NCOR1: variants seen among roughly 807,000 people sequenced by gnomAD.
The protein encoded by NCOR1 is nuclear receptor corepressor 1.
Under a neutral mutation model 288.1 loss-of-function variants are expected in NCOR1, and 63 were observed. The ratio of observed to expected loss-of-function variants is 0.22; its 90% CI spans 0.18 to 0.27. The LOEUF is 0.27. Among genes scored for constraint, NCOR1 ranks in the 10% least tolerant of loss-of-function variants. The pLI is 1.00. For missense variants in NCOR1, 2,397 were observed against 3,019.2 expected (o/e 0.79, Z 4.83); for synonymous variants, 1,007 against 1,065.9 (o/e 0.94, Z 1.08).
At position 16,210,619 on chromosome 17, in the gene NCOR1, C is replaced by G. The variant is rs1158296857; in HGVS notation, c.-71+4743G>C. 2.0e-5 allele frequency among the ~76,000 whole-genome samples: 3 copies of G among 152,152 alleles called. No homozygotes were observed. The East Asian group carries it at 5.8e-4, about 29-fold the overall frequency. ...CTGTAACACTGACATAGATCAGTATCAATTTTTTCAAACTATATTTTCATT... is the reference window on the plus strand; with the variant it reads ...CTGTAACACTGACATAGATCAGTATGAATTTTTTCAAACTATATTTTCATT... On this transcript the variant is annotated intron_variant, in intron 1 of 45. Coordinates refer to ENST00000268712, the MANE Select transcript of NCOR1 (RefSeq NM_006311.4).
At chr17:16,041,255 T>TA (rs1171063933) in intron 42 of NCOR1, 2 of 152,256 alleles carry the variant, frequency 1.3e-5, no homozygotes, top group African/African-American at 4.8e-5. Flanking sequence ...CCGCCTATAA[T>TA]AAAGCAGTGT....
intron 32 of NCOR1, among the ~76,000 whole-genome samples, chr17:16,066,988 A>G (rs927963468): frequency 2.0e-5 from 3 of 152,216 alleles, no homozygotes; most frequent in African/African-American, 7.2e-5. Flanking sequence ...CAGAAAACAC[A>G]TGTGTGACTG....
At chr17:16,197,961 C>A (rs2090140328) in intron 1 of NCOR1, among the ~76,000 whole-genome samples, 1 of 152,114 alleles carries the variant, frequency 6.6e-6, no homozygotes, top group Non-Finnish European at 1.5e-5. Flanking sequence ...TCTAGAGTGT[C>A]CTTTAGAAAT....
At chr17:16,201,872 T>C (rs186079861) in intron 1 of NCOR1, among the ~76,000 whole-genome samples, 195 of 151,926 alleles carry the variant, frequency 1.3e-3, no homozygotes, top group African/African-American at 4.5e-3. Context: ...GGTGGATCAC[T>C]TGAGGTCAGG....
In NCOR1 at chr17:16,121,232, C is replaced by T. The variant is rs1313670628; in HGVS notation, c.1672G>A (p.Ala558Thr). The part of the protein sequence containing the change: ...TKEKDKIDGT[A>T]EETEEREQAT... ...TGCTCTCTTTCCTCAGTTTCTTCTG[C>T]TGTACCATCTATCTTGTCCTTTTCC... Residue 558 changes from alanine to threonine, a missense_variant, in exon 16 of 46, where the codon GCA becomes ACA. Coordinates refer to ENST00000268712, the MANE Select transcript of NCOR1 (RefSeq NM_006311.4). The T allele has an allele frequency of 2.8e-5, 45 of 1,613,882 alleles. No homozygotes were observed. The highest frequency in any genetic ancestry group is 5.3e-5 in the African/African-American group (4 of 74,934).
intron 4 of NCOR1, among the ~76,000 whole-genome samples, chr17:16,169,953 T>TA (rs1469801335): frequency 6.6e-6 from 1 of 152,222 alleles, no homozygotes; most frequent in East Asian, 1.9e-4. Flanking sequence ...GAAGCTTAGC[T>TA]AATTTCTAGC....
intron 37 of NCOR1, among the ~76,000 whole-genome samples, chr17:16,060,980 A>C (rs1031092990): frequency 6.6e-6 from 1 of 152,240 alleles, no homozygotes; most frequent in Non-Finnish European, 1.5e-5. Flanking sequence ...AATAATAGGT[A>C]GTCTCACTTT....
chr17:16,035,092 C>T (rs1973955430), intron 44 of NCOR1, 148 bp from the exon 45 acceptor site: 2 of 744,576 alleles, frequency 2.7e-6, no homozygotes, highest in South Asian at 2.0e-5. Flanking sequence ...TAAAATACTA[C>T]AGGCATACCT....
At chr17:16,143,189 G>A (rs1250711046) in intron 11 of NCOR1, among the ~76,000 whole-genome samples, 1 of 152,146 alleles carries the variant, frequency 6.6e-6, no homozygotes, top group Admixed American at 6.5e-5. Flanking sequence ...TGCTACTTTA[G>A]GAAACGGCAC....
chr17:16,091,708 T>C lies in NCOR1; in HGVS notation c.3016+155A>G, dbSNP rs540455903. 6.2e-6 allele frequency: 9 copies of C among 1,451,850 alleles called. No individual in the cohort carries two copies. In the African/African-American group the frequency reaches 8.5e-5, roughly 14 times the overall value. 89.9% of individuals were successfully genotyped at this position (1,451,850 alleles called of 1,614,324 possible). ...AGTTAATAATACTAACATTTCTTCA[T>C]AGTTTAAGGTCAATTTAAGGAACTG... On this transcript the variant is annotated intron_variant, in intron 22 of 45. Coordinates refer to ENST00000268712, the MANE Select transcript of NCOR1 (RefSeq NM_006311.4).
intron 1 of NCOR1, among the ~76,000 whole-genome samples, chr17:16,214,876 C>T: frequency 6.6e-6 from 1 of 152,246 alleles, no homozygotes; most frequent in South Asian, 2.1e-4. Flanking sequence ...CACCCTGAAG[C>T]GGTCTGTTAG....
intron 2 of NCOR1, among the ~76,000 whole-genome samples, chr17:16,189,223 G>A (rs563579637): frequency 2.9e-4 from 44 of 151,854 alleles, no homozygotes; most frequent in Admixed American, 1.8e-3. Flanking sequence ...GCGAAACCCC[G>A]TGTGTACTAA....
chr17:16,073,715 T>G, intron 27 of NCOR1, 146 bp from the exon 28 acceptor site: 1 of 666,338 alleles, frequency 1.5e-6, no homozygotes, highest in Non-Finnish European at 2.2e-6. Context: ...AGATGATTCA[T>G]GAAAATATTT....
chr17:16,036,091 G>A (rs1247951847), intron 44 of NCOR1, among the ~76,000 whole-genome samples: 1 of 152,196 alleles, frequency 6.6e-6, no homozygotes, highest in Admixed American at 6.5e-5. Flanking sequence ...CTTATGAAAT[G>A]TATTTCTTAA....
At chr17:16,138,465 G>A (rs1409856387) in intron 12 of NCOR1, among the ~76,000 whole-genome samples, 1 of 152,088 alleles carries the variant, frequency 6.6e-6, no homozygotes, top group Non-Finnish European at 1.5e-5. Flanking sequence ...CATGCCTGCA[G>A]TCCCACCTAC....
intron 25 of NCOR1, 50 bp downstream of exon 25, chr17:16,080,358 A>G: frequency 7.0e-7 from 1 of 1,428,028 alleles, no homozygotes; most frequent in Non-Finnish European, 9.6e-7. Context: ...TACTTTAATA[A>G]ATTTATTGGG....
intron 1 of NCOR1, among the ~76,000 whole-genome samples, chr17:16,207,405 AG>A (rs1169093799): frequency 6.6e-6 from 1 of 152,194 alleles, no homozygotes. Flanking sequence ...ATAAGCATAA[AG>A]GTGACTCTCA....
intron 27 of NCOR1, among the ~76,000 whole-genome samples, chr17:16,073,835 T>C (rs1414953197): frequency 1.3e-5 from 2 of 152,170 alleles, no homozygotes; most frequent in African/African-American, 2.4e-5. Flanking sequence ...TACACAATAA[T>C]GTAGGTACAG....
intron 20 of NCOR1, 173 bp from the exon 21 acceptor site, chr17:16,098,669 C>T (rs955382997): frequency 1.7e-5 from 8 of 464,368 alleles, no homozygotes; most frequent in Admixed American, 8.4e-5. Context: ...AAGGAACCTA[C>T]AAAGCTGATT....
Sources: gnomAD v4.1 joint callset for allele counts (sites outside exome capture counted in the v4.1 genomes callset) on GRCh38, gnomAD v4.1.1 for gene constraint, MANE v1.5 for transcripts, NCBI Gene and HGNC (gene_info 2026-07-23, HGNC 2026-07-21) for gene names.